The following CA10 variants were observed in gnomAD, a reference collection of about 807,000 sequenced individuals.
CA10 encodes the protein carbonic anhydrase 10 (inactive).
Under a neutral mutation model 44.2 loss-of-function variants are expected in CA10, and 14 were observed. The observed-to-expected ratio is 0.32, with a 90% CI of 0.21 to 0.50. The LOEUF (loss-of-function observed/expected upper bound fraction) is 0.50, where lower values mean the gene tolerates loss of function less well. Ranked by LOEUF, CA10 falls within the 20% of genes least tolerant of loss-of-function variation. The probability of loss-of-function intolerance (pLI) is 0.99; values close to 1 mark genes in which losing one functional copy is unlikely to be tolerated. For missense variants in CA10, 350 were observed against 409.7 expected, an observed-to-expected ratio of 0.85 and a Z score of 1.26; for synonymous variants, 159 against 141.6, an observed-to-expected ratio of 1.12 and a Z score of -0.87.
intron 1 of CA10, among the ~76,000 whole-genome samples, chr17:52,124,344 A>G (rs561093485): frequency 1.3e-5 from 2 of 152,288 alleles, no homozygotes; most frequent in East Asian, 3.9e-4. Context: ...AAGGTTAGAG[A>G]TTTAAGAGTG....
chr17:52,064,429 T>C (rs1259088669), intron 2 of CA10, among the ~76,000 whole-genome samples: 1 of 152,158 alleles, frequency 6.6e-6, no homozygotes, highest in Non-Finnish European at 1.5e-5. Flanking sequence ...CTCCATGAAT[T>C]AAGGAATGAA....
At chr17:51,877,824 T>C (rs933065486) in intron 3 of CA10, among the ~76,000 whole-genome samples, 5 of 151,914 alleles carry the variant, frequency 3.3e-5, no homozygotes, top group Admixed American at 3.3e-4. Flanking sequence ...CCTAAGAATA[T>C]AAAGAGAGGT....
At chr17:51,717,806 TATAC>T (rs1308386853) in intron 4 of CA10, among the ~76,000 whole-genome samples, 1 of 22,948 alleles carries the variant, frequency 4.4e-5, no homozygotes, top group Non-Finnish European at 1.0e-4. Context: ...TGTGTATATA[TATAC>T]ACGTATATAT....
chr17:52,145,055 A>T, intron 1 of CA10, among the ~76,000 whole-genome samples: 1 of 152,212 alleles, frequency 6.6e-6, no homozygotes, highest in East Asian at 1.9e-4. Context: ...GCTCTTCAAT[A>T]CATCTGTAGC....
intron 2 of CA10, among the ~76,000 whole-genome samples, chr17:51,984,449 C>A (rs1275718612): frequency 4.0e-5 from 6 of 151,628 alleles, no homozygotes; most frequent in Admixed American, 4.0e-4. Flanking sequence ...TCTCAAAAAA[C>A]TAGAGAAACA....
intron 2 of CA10, among the ~76,000 whole-genome samples, chr17:52,026,717 G>A (rs1209265291): frequency 2.0e-5 from 3 of 152,070 alleles, no homozygotes; most frequent in Non-Finnish European, 4.4e-5. Context: ...GAGATTTCAA[G>A]AGAGCTCACT....
intron 1 of CA10, among the ~76,000 whole-genome samples, chr17:52,146,135 ACTCT>A (rs530549347): frequency 5.8e-4 from 89 of 152,290 alleles, no homozygotes; most frequent in African/African-American, 2.0e-3. Flanking sequence ...CTAGCCTACA[ACTCT>A]CTAACTGCTT....
At chr17:51,945,875 G>A (rs140723365) in intron 2 of CA10, among the ~76,000 whole-genome samples, 1 of 152,038 alleles carries the variant, frequency 6.6e-6, no homozygotes, top group Non-Finnish European at 1.5e-5. Flanking sequence ...CTTACGATCA[G>A]ATATAAACAA....
At chr17:51,816,983 T>G (rs140004296) in intron 3 of CA10, among the ~76,000 whole-genome samples, 1 of 152,320 alleles carries the variant, frequency 6.6e-6, no homozygotes, top group African/African-American at 2.4e-5. Flanking sequence ...GCCTTTCTTG[T>G]GTTATCTACT....
intron 3 of CA10, among the ~76,000 whole-genome samples, chr17:51,802,236 C>T (rs926813376): frequency 1.3e-5 from 2 of 152,096 alleles, no homozygotes; most frequent in African/African-American, 4.8e-5. Flanking sequence ...AGACAGTATC[C>T]TAGCAGGGAA....
intron 4 of CA10, among the ~76,000 whole-genome samples, chr17:51,740,558 G>C (rs1904415741): frequency 6.6e-6 from 1 of 152,178 alleles, no homozygotes; most frequent in African/African-American, 2.4e-5. Flanking sequence ...TCAAATGGGA[G>C]AATTTCTGTC....
At chr17:51,897,831 T>G (rs1009902632) in intron 3 of CA10, among the ~76,000 whole-genome samples, 1 of 152,142 alleles carries the variant, frequency 6.6e-6, no homozygotes, top group African/African-American at 2.4e-5. Flanking sequence ...GTGGCTGTTG[T>G]GAATAAGATC....
chr17:51,796,168 T>C (rs1906698389), intron 3 of CA10, among the ~76,000 whole-genome samples: 1 of 151,860 alleles, frequency 6.6e-6, no homozygotes, highest in South Asian at 2.1e-4. Context: ...TAACATGGAG[T>C]TAGATGTTAC....
intron 3 of CA10, among the ~76,000 whole-genome samples, chr17:51,812,537 T>A (rs1202325406): frequency 6.6e-6 from 1 of 152,226 alleles, no homozygotes; most frequent in Non-Finnish European, 1.5e-5. Context: ...CTGGCTACAC[T>A]AATCCATGGA....
At chr17:51,783,185 A>C (rs1261534021) in intron 3 of CA10, among the ~76,000 whole-genome samples, 2 of 152,158 alleles carry the variant, frequency 1.3e-5, no homozygotes, top group Admixed American at 1.3e-4. Context: ...TTCAGGGACA[A>C]TGATAAGCAG....
chr17:51,734,431 T>C (rs976466429), intron 4 of CA10, among the ~76,000 whole-genome samples: 2 of 152,140 alleles, frequency 1.3e-5, no homozygotes, highest in Non-Finnish European at 2.9e-5. Context: ...GAGCATATGA[T>C]TCATTGTGCA....
chr17:51,884,320 T>A (rs1980502779), intron 3 of CA10, among the ~76,000 whole-genome samples: 1 of 152,180 alleles, frequency 6.6e-6, no homozygotes, highest in Non-Finnish European at 1.5e-5. Context: ...TTCCTCATTG[T>A]ACTCAAATTG....
intron 4 of CA10, among the ~76,000 whole-genome samples, chr17:51,723,100 T>C (rs1219257089): frequency 6.6e-6 from 1 of 152,312 alleles, no homozygotes; most frequent in South Asian, 2.1e-4. Flanking sequence ...GCTTTATTAA[T>C]GAGCCTTTCA....
intron 3 of CA10, among the ~76,000 whole-genome samples, chr17:51,796,214 C>T (rs1381458852): frequency 6.6e-6 from 1 of 151,720 alleles, no homozygotes; most frequent in African/African-American, 2.4e-5. Context: ...GTGTTCCAAT[C>T]CTGTTCTTTT....
Sources: allele counts gnomAD v4.1 joint callset (sites outside exome capture counted in the v4.1 genomes callset), GRCh38; gene constraint gnomAD v4.1.1; transcripts MANE v1.5; gene names NCBI Gene and HGNC (gene_info 2026-07-23, HGNC 2026-07-21).